CHAT: variants seen among roughly 807,000 people sequenced by gnomAD.
CHAT encodes choline O-acetyltransferase.
Under a neutral mutation model 76.9 loss-of-function variants are expected in CHAT, and 61 were observed. The ratio of observed to expected loss-of-function variants is 0.79; its 90% CI spans 0.65 to 0.98. The LOEUF (loss-of-function observed/expected upper bound fraction) is 0.98. Ranked by LOEUF, CHAT falls within the 50% of genes least tolerant of loss-of-function variation. The probability of loss-of-function intolerance (pLI) is 0.00; values close to 1 mark genes in which losing one functional copy is unlikely to be tolerated. For missense variants in CHAT, 946 were observed against 986.9 expected (o/e 0.96, Z 0.56); for synonymous variants, 407 against 397.4 (o/e 1.02, Z -0.29).
chr10:49,639,538 TATACACAC>T (rs755490606), intron 7 of CHAT, among the ~76,000 whole-genome samples: 43 of 16,898 alleles, frequency 2.5e-3, no homozygotes, highest in East Asian at 0.012. Flanking sequence ...ATAGTATATA[TATACACAC>T]ACACACACAC....
Position 49,646,435 on chromosome 10 carries a change from T to A in CHAT, c.1112-70T>A. The A allele has an allele frequency of 3.8e-6, 6 of 1,584,048 alleles. 1 individual carries two copies. In the South Asian group the frequency reaches 6.6e-5, roughly 18 times the overall value. On this transcript the variant is annotated intron_variant, in intron 7 of 14. Transcript: ENST00000337653. ...GAAGACAGGGCTGCCCTGCCCTGTG[T>A]GGGGCTCTGAGGAGGGAAGACTGGC...
At chr10:49,632,503 C>G (rs1364203639) in intron 7 of CHAT, among the ~76,000 whole-genome samples, 1 of 152,272 alleles carries the variant, frequency 6.6e-6, no homozygotes, top group African/African-American at 2.4e-5. Flanking sequence ...CTTCCTGGAG[C>G]CTGGGTACAG....
chr10:49,652,593 A>G (rs539313042), intron 11 of CHAT, among the ~76,000 whole-genome samples: 1 of 152,238 alleles, frequency 6.6e-6, no homozygotes, highest in Non-Finnish European at 1.5e-5. Context: ...GCACTTCCCT[A>G]GGGTCACTGC....
At position 49,649,534 on chromosome 10, in the gene CHAT, G is replaced by C. The variant is rs774834313; in HGVS notation, c.1409G>C (p.Arg470Pro). The C allele has an allele frequency of 2.5e-6, 4 of 1,613,852 alleles. No individual in the cohort carries two copies. Among genetic ancestry groups the C allele is most frequent in the Non-Finnish European group, 1.7e-6 (2 of 1,180,054 alleles). Residue 470 changes from arginine (R) to proline (P), a missense_variant, in exon 10 of 15, where the codon CGA (arginine) becomes CCA (proline). Coordinates refer to ENST00000337653, the MANE Select transcript of CHAT (RefSeq NM_020549.5). ...ACGCAGAGCAGCAGGAAGCTGATCC[G>C]AGCAGACTCCGTCAGCGAGCTCCCC... Reference protein sequence around the residue: ...HVTQSSRKLIRADSVSELPAP... With the variant: ...HVTQSSRKLIPADSVSELPAP...
At position 49,620,484 on chromosome 10, in the gene CHAT, CT is replaced by C; in HGVS notation, c.580-10del. 1 of 1,594,064 alleles carries C rather than the reference CT, an allele frequency of 6.3e-7. No homozygotes were observed. Among genetic ancestry groups the C allele is most frequent in the African/African-American group, 1.3e-5 (1 of 74,704 alleles). ...GGGGGATGTGACGGCCTTCCCTGCC[CT>C]CCCCGGCAGGTGTCTGAGTACTGGC... On this transcript the variant is annotated splice_polypyrimidine_tract_variant and intron_variant, in intron 3 of 14. Coordinates refer to ENST00000337653, the MANE Select transcript of CHAT (RefSeq NM_020549.5).
intron 1 of CHAT, 71 bp downstream of exon 1, chr10:49,614,546 TCC>T: frequency 1.1e-6 from 1 of 917,242 alleles, no homozygotes; most frequent in Non-Finnish European, 1.6e-6. Context: ...GGGGGCTCTA[TCC>T]AGGGACAGCA....
intron 5 of CHAT, among the ~76,000 whole-genome samples, chr10:49,623,985 A>C (rs976058389): frequency 6.6e-6 from 1 of 152,168 alleles, no homozygotes; most frequent in Admixed American, 6.5e-5. Flanking sequence ...CAGGGTCAGT[A>C]AAACAACAAA....
rs1840321865 is a variant in CHAT, at chr10:49,665,483, G to T, written c.*437G>T. Among the ~76,000 whole-genome samples, 1 of 152,086 alleles carries T rather than the reference G, an allele frequency of 6.6e-6. No individual in the cohort carries two copies. Among genetic ancestry groups the T allele is most frequent in the African/African-American group, 2.4e-5 (1 of 41,402 alleles). On this transcript the variant is annotated 3_prime_UTR_variant, in exon 15 of 15. Transcript: ENST00000337653. The stretch of plus-strand genomic sequence containing the variant: ...GTTAGGAAGGAAGAGGCTAACTCCA[G>T]GTCATTACCTCTTTTCTTTTTTGGG...
intron 1 of CHAT, 99 bp downstream of exon 1, chr10:49,614,574 C>G: frequency 9.6e-7 from 1 of 1,041,852 alleles, no homozygotes; most frequent in Non-Finnish European, 1.4e-6. Flanking sequence ...GCCGAGAGGC[C>G]CCAGGACTCG....
chr10:49,628,378 T>C (rs528230835), intron 7 of CHAT, among the ~76,000 whole-genome samples: 44 of 152,344 alleles, frequency 2.9e-4, no homozygotes, highest in African/African-American at 8.7e-4. Context: ...GCTGATGGAA[T>C]GCTCTCCTTC....
intron 2 of CHAT, among the ~76,000 whole-genome samples, chr10:49,618,838 G>A (rs551405645): frequency 3.9e-5 from 6 of 152,284 alleles, no homozygotes; most frequent in African/African-American, 1.4e-4. Flanking sequence ...AAGATAGCGA[G>A]GTCATAACAT....
At position 49,666,249 on chromosome 10, in the gene CHAT, TCCAGCTCCAGCC is replaced by T. The variant is rs1840337207; in HGVS notation, c.*1215_*1226del. 6.7e-6 allele frequency among the ~76,000 whole-genome samples: 1 copy of T among 149,382 alleles called. No homozygotes were observed. The highest frequency in any genetic ancestry group is 1.5e-5 in the Non-Finnish European group (1 of 67,896). On this transcript the variant is annotated 3_prime_UTR_variant, in exon 15 of 15. Coordinates refer to ENST00000337653, the MANE Select transcript of CHAT (RefSeq NM_020549.5). ...AGTCAGCCCCAGCCCCAGCCCCAGCTCCAGCTCCAGCCCCAGCTCCAGCTCCAGCCCCAGCTC... is the reference window on the plus strand; with the variant it reads ...AGTCAGCCCCAGCCCCAGCCCCAGCTCCAGCTCCAGCTCCAGCCCCAGCTC...
chr10:49,620,289 T>C (rs143223963), intron 3 of CHAT, among the ~76,000 whole-genome samples: 1 of 151,898 alleles, frequency 6.6e-6, no homozygotes, highest in Non-Finnish European at 1.5e-5. Flanking sequence ...GGATGGGGAC[T>C]GGGACAGAAG....
chr10:49,625,750 C>T (rs774379808), intron 6 of CHAT, 97 bp downstream of exon 6: 7 of 1,297,550 alleles, frequency 5.4e-6, no homozygotes, highest in Middle Eastern at 3.6e-4. Context: ...AGCCTCCTTC[C>T]CTGAGTCACA....
chr10:49,661,671 G>GT (rs756453190), intron 13 of CHAT, among the ~76,000 whole-genome samples: 2 of 152,164 alleles, frequency 1.3e-5, no homozygotes, highest in African/African-American at 2.4e-5. Flanking sequence ...GTTACTCACA[G>GT]TTACCCTGAT....
intron 7 of CHAT, among the ~76,000 whole-genome samples, chr10:49,633,361 C>A (rs1839188693): frequency 6.6e-6 from 1 of 152,128 alleles, no homozygotes; most frequent in Admixed American, 6.5e-5. Flanking sequence ...CTTGCTCTTT[C>A]CTGGGCACCT....
At chr10:49,636,082 T>C (rs961007463) in intron 7 of CHAT, among the ~76,000 whole-genome samples, 1 of 152,222 alleles carries the variant, frequency 6.6e-6, no homozygotes, top group Non-Finnish European at 1.5e-5. Flanking sequence ...GGTTGCAATA[T>C]AAAAGATTAA....
rs753439217 is a variant in CHAT at position 49,651,869 on chromosome 10, CT to C, written c.1512-10del. On this transcript the variant is annotated splice_polypyrimidine_tract_variant and intron_variant, in intron 10 of 14. Transcript: ENST00000337653. Reference sequence around the variant, plus strand: ...TTTGCATGCAATAAAAACATCTTTTCTTTTTCTTCCTCAGAATAGTAAAGAA... The same window carrying C: ...TTTGCATGCAATAAAAACATCTTTTCTTTTCTTCCTCAGAATAGTAAAGAA... 1.2e-6 allele frequency: 2 copies of C among 1,611,952 alleles called. No homozygotes were observed. The highest frequency in any genetic ancestry group is 4.5e-5 in the East Asian group (2 of 44,878).
In CHAT at chr10:49,620,555, TCCA is replaced by T. The variant is rs1157275550; in HGVS notation, c.641_643del (p.Ser214_Ser215delinsCys). 1 of 1,613,724 alleles carries T rather than the reference TCCA, an allele frequency of 6.2e-7. No homozygotes were observed. ...CAACCGCCTGGCCCTGCCTGTCAAC[TCCA>T]GCCCTGCCGTGATCTTTGCTCGGCA... On this transcript the variant is annotated inframe_deletion, in exon 4 of 15. Transcript: ENST00000337653.
Sources: allele counts gnomAD v4.1 joint callset (sites outside exome capture counted in the v4.1 genomes callset), GRCh38; gene constraint gnomAD v4.1.1; transcripts MANE v1.5; gene names NCBI Gene and HGNC (gene_info 2026-07-23, HGNC 2026-07-21).